ERBB4: variants seen among roughly 807,000 people sequenced by gnomAD.
ERBB4 encodes the protein erb-b2 receptor tyrosine kinase 4.
ERBB4 carries 42 observed loss-of-function variants against 158.0 expected under a neutral mutation model. The ratio of observed to expected loss-of-function variants is 0.27; its 90% CI spans 0.21 to 0.34. The LOEUF (loss-of-function observed/expected upper bound fraction) is 0.34. Among genes scored for constraint, ERBB4 ranks in the 10% least tolerant of loss-of-function variants. ERBB4 has a pLI of 1.00. For missense variants in ERBB4, 1,333 were observed against 1,624.1 expected, an observed-to-expected ratio of 0.82 and a Z score of 3.08; for synonymous variants, 583 against 558.7, an observed-to-expected ratio of 1.04 and a Z score of -0.61.
At chr2:211,651,371 C>T (rs1385439017) in intron 16 of ERBB4, among the ~76,000 whole-genome samples, 1 of 152,082 alleles carries the variant, frequency 6.6e-6, no homozygotes, top group Non-Finnish European at 1.5e-5. Flanking sequence ...ATGGCACCGT[C>T]GGAAATATTA....
chr2:211,578,363 A>T (rs918261085), intron 19 of ERBB4, among the ~76,000 whole-genome samples: 21 of 152,236 alleles, frequency 1.4e-4, no homozygotes, highest in African/African-American at 4.6e-4. Flanking sequence ...AATATCGTGA[A>T]AATGGCCATA....
intron 3 of ERBB4, among the ~76,000 whole-genome samples, chr2:211,866,441 A>G (rs2078207642): frequency 6.6e-6 from 1 of 152,152 alleles, no homozygotes; most frequent in Non-Finnish European, 1.5e-5. Context: ...AGAATCTAGT[A>G]TCAAAAATCT....
At chr2:211,812,770 G>T (rs936666109) in intron 3 of ERBB4, among the ~76,000 whole-genome samples, 1 of 152,202 alleles carries the variant, frequency 6.6e-6, no homozygotes, top group African/African-American at 2.4e-5. Context: ...CCCCCTACAG[G>T]CTGCTGCAGT....
intron 8 of ERBB4, among the ~76,000 whole-genome samples, chr2:211,713,067 G>A (rs1443994176): frequency 6.6e-6 from 1 of 152,044 alleles, no homozygotes; most frequent in East Asian, 1.9e-4. Context: ...TTATGGTAAA[G>A]TTTCTTGTCA....
At chr2:211,580,891 A>AC (rs1217146535) in intron 19 of ERBB4, among the ~76,000 whole-genome samples, 2 of 14,538 alleles carry the variant, frequency 1.4e-4, no homozygotes, top group African/African-American at 2.4e-4. Context: ...ATATATATAT[A>AC]TATATATATA....
intron 1 of ERBB4, among the ~76,000 whole-genome samples, chr2:212,127,318 T>C (rs771740218): frequency 2.8e-4 from 42 of 152,126 alleles, no homozygotes; most frequent in Non-Finnish European, 5.4e-4. Flanking sequence ...TTTTGCTGGG[T>C]GCAGCGGCTC....
intron 4 of ERBB4, chr2:211,778,421 T>G (rs377076952): frequency 6.6e-6 from 1 of 152,130 alleles, no homozygotes; most frequent in African/African-American, 2.4e-5. Flanking sequence ...GATTATCAGA[T>G]CTACAATGTT....
chr2:212,350,131 A>T (rs2089189044), intron 1 of ERBB4, among the ~76,000 whole-genome samples: 1 of 152,166 alleles, frequency 6.6e-6, no homozygotes, highest in Non-Finnish European at 1.5e-5. Flanking sequence ...AGTTAGTGTA[A>T]GGCATTCCAA....
intron 5 of ERBB4, among the ~76,000 whole-genome samples, chr2:211,734,961 A>C (rs1320257927): frequency 6.6e-6 from 1 of 151,548 alleles, no homozygotes; most frequent in Non-Finnish European, 1.5e-5. Context: ...CCTGAAATGA[A>C]AGGATTTTAA....
chr2:212,442,927 C>G lies in ERBB4; in HGVS notation c.82+95522G>C, dbSNP rs149037078. Among the ~76,000 whole-genome samples the G allele has an allele frequency of 2.6e-3, 391 of 152,332 alleles. 4 individuals are homozygous for G. The highest frequency in any genetic ancestry group is 8.7e-3 in the African/African-American group (362 of 41,564). ...TCCATGTTCAGCTCTCCCATTTGAC[C>G]AGTGCAGAAGACAGATGGATCTTGG... is the stretch of plus-strand genomic sequence containing the variant. On this transcript the variant is annotated intron_variant, in intron 1 of 27. Coordinates refer to ENST00000342788, the MANE Select transcript of ERBB4 (RefSeq NM_005235.3).
At chr2:211,923,526 C>T (rs770866212) in intron 3 of ERBB4, among the ~76,000 whole-genome samples, 2 of 152,046 alleles carry the variant, frequency 1.3e-5, no homozygotes, top group Admixed American at 6.6e-5. Context: ...AGACTTAGAG[C>T]AATTCATCTT....
intron 1 of ERBB4, among the ~76,000 whole-genome samples, chr2:212,266,860 G>A (rs903580897): frequency 6.6e-6 from 1 of 151,794 alleles, no homozygotes; most frequent in Non-Finnish European, 1.5e-5. Context: ...TAAATGAGAA[G>A]TTCTATTCAG....
intron 16 of ERBB4, among the ~76,000 whole-genome samples, chr2:211,635,267 A>G (rs965562567): frequency 1.1e-4 from 16 of 152,212 alleles, no homozygotes; most frequent in Non-Finnish European, 2.2e-4. Flanking sequence ...TCCTCCCACT[A>G]CTGAAGAAAC....
chr2:211,452,765 C>A (rs977985466), intron 20 of ERBB4, among the ~76,000 whole-genome samples: 1 of 152,096 alleles, frequency 6.6e-6, no homozygotes, highest in Non-Finnish European at 1.5e-5. Flanking sequence ...ATTTCAAAGA[C>A]ACCACACTAG....
At chr2:212,429,690 C>A (rs2105934774) in intron 1 of ERBB4, among the ~76,000 whole-genome samples, 1 of 152,120 alleles carries the variant, frequency 6.6e-6, no homozygotes, top group East Asian at 1.9e-4. Flanking sequence ...AATTATCTTC[C>A]TAAATAACAC....
intron 2 of ERBB4, among the ~76,000 whole-genome samples, chr2:211,978,889 T>C (rs943903216): frequency 2.0e-5 from 3 of 152,288 alleles, no homozygotes; most frequent in Admixed American, 6.5e-5. Flanking sequence ...CAATCTGATT[T>C]TTAAATAGTG....
chr2:211,770,210 A>C (rs1264026253), intron 4 of ERBB4, among the ~76,000 whole-genome samples: 1 of 152,234 alleles, frequency 6.6e-6, no homozygotes, highest in Admixed American at 6.5e-5. Flanking sequence ...ACTTCACATT[A>C]ATGTTCCTTG....
intron 25 of ERBB4, among the ~76,000 whole-genome samples, chr2:211,403,316 T>TA (rs1330120649): frequency 6.6e-6 from 1 of 152,174 alleles, no homozygotes; most frequent in Non-Finnish European, 1.5e-5. Context: ...CCAAGGTTAA[T>TA]ATGCTGTAAG....
At chr2:212,276,482 C>T (rs1283022973) in intron 1 of ERBB4, among the ~76,000 whole-genome samples, 1 of 151,704 alleles carries the variant, frequency 6.6e-6, no homozygotes, top group Non-Finnish European at 1.5e-5. Context: ...TCATGTAAGA[C>T]ACATGGCTTA....
Sources: allele counts gnomAD v4.1 joint callset (sites outside exome capture counted in the v4.1 genomes callset), GRCh38; gene constraint gnomAD v4.1.1; transcripts MANE v1.5; gene names NCBI Gene and HGNC (gene_info 2026-07-23, HGNC 2026-07-21).